The following SETD1A variants were observed in gnomAD, a reference collection of about 807,000 sequenced individuals.
SETD1A encodes the protein histone-lysine N-methyltransferase SETD1A.
Under a neutral mutation model 149.9 loss-of-function variants are expected in SETD1A, and 29 were observed. The observed-to-expected ratio is 0.19, with a 90% CI of 0.14 to 0.26. The LOEUF (loss-of-function observed/expected upper bound fraction) is 0.26, where lower values mean the gene tolerates loss of function less well. SETD1A is among the 10% of genes least tolerant of loss of function. SETD1A has a pLI of 1.00. For synonymous variants in SETD1A, 1,141 were observed against 968.5 expected (o/e 1.18, Z -3.31); for missense variants, 2,109 against 2,353.1 (o/e 0.90, Z 2.15).
chr16:30,969,726 A>AG (rs775597311), intron 12 of SETD1A, 37 bp downstream of exon 12: 2 of 1,560,026 alleles, frequency 1.3e-6, no homozygotes, highest in East Asian at 4.5e-5. Flanking sequence ...TTGGGCTCGG[A>AG]GGAGGGGTTC....
rs34557944 is a variant in SETD1A at position 30,961,880 on chromosome 16, GCT to G, written c.517+346_517+347del. The stretch of plus-strand genomic sequence containing the variant: ...TGGTTGGTTTTTGAGACAGGATCCT[GCT>G]CTGTCACCTAGGCTGGAGAGCAGTG... On this transcript the variant is annotated intron_variant, in intron 4 of 18. Coordinates refer to ENST00000262519, the MANE Select transcript of SETD1A (RefSeq NM_014712.3). This position sits in a 1 kb window ranked among gnomAD's most constrained non-coding sequence, Gnocchi z 4.0. Among the ~76,000 whole-genome samples the G allele has an allele frequency of 0.068, 10,394 of 152,100 alleles. 474 individuals are homozygous for G. Among genetic ancestry groups the G allele is most frequent in the Non-Finnish European group, 0.11 (7,495 of 67,960 alleles).
In SETD1A at chr16:30,979,992, C is replaced by CCCA; in HGVS notation, c.4208_4209insACC (p.Pro1412dup). 6.8e-7 allele frequency: 1 copy of CCCA among 1,477,502 alleles called. No individual in the cohort carries two copies. Among genetic ancestry groups the CCCA allele is most frequent in the Non-Finnish European group, 8.9e-7 (1 of 1,120,134 alleles). 91.5% of individuals were successfully genotyped at this position (1,477,502 alleles called of 1,614,324 possible). ...TCCGCTCCCACGCCCGGCGCCGCCG[C>CCCA]CCTCCGCCCCCACCCCCGCCGCCAC... On this transcript the variant is annotated inframe_insertion, in exon 14 of 19. Coordinates refer to ENST00000262519, the MANE Select transcript of SETD1A (RefSeq NM_014712.3).
chr16:30,977,786 G>A (rs2056302242), intron 13 of SETD1A, among the ~76,000 whole-genome samples: 1 of 152,226 alleles, frequency 6.6e-6, no homozygotes, highest in African/African-American at 2.4e-5. Flanking sequence ...GTGGACTCAG[G>A]TGAATCGCTG....
rs1363790293 is a variant in SETD1A at position 30,979,241 on chromosome 16, C to G, written c.3455C>G (p.Ser1152Cys). The G allele has an allele frequency of 1.2e-6, 2 of 1,603,138 alleles. No homozygotes were observed. The highest frequency in any genetic ancestry group is 3.4e-5 in the Admixed American group (2 of 59,326). Residue 1152 changes from serine to cysteine, a missense_variant, in exon 14 of 19, where the codon TCT (serine) becomes TGT (cysteine). Coordinates refer to ENST00000262519, the MANE Select transcript of SETD1A (RefSeq NM_014712.3). ...GCCCCACGCCCCGATGAGCGTCCCT[C>G]TTCTCCCATCCCCCTCCTGCCCCCA... ...APAPRPDERP[S>C]SPIPLLPPPK...
intron 5 of SETD1A, 42 bp downstream of exon 5, chr16:30,963,596 A>G: frequency 6.3e-7 from 1 of 1,589,790 alleles, no homozygotes; most frequent in Non-Finnish European, 8.6e-7. Flanking sequence ...CCATGTGGGC[A>G]TGGTGTCCGG....
chr16:30,960,366 A>AC (rs1268527821), intron 3 of SETD1A, among the ~76,000 whole-genome samples: 2 of 152,202 alleles, frequency 1.3e-5, no homozygotes, highest in East Asian at 3.8e-4. Flanking sequence ...TTTCAAAAAC[A>AC]CCAAGTTGTT....
chr16:30,978,767 T>G (rs922684296), intron 13 of SETD1A, among the ~76,000 whole-genome samples: 2 of 152,212 alleles, frequency 1.3e-5, no homozygotes, highest in Non-Finnish European at 2.9e-5. Context: ...GGCTGGGGCC[T>G]GGGCACAGGG....
At position 30,979,454 on chromosome 16, in the gene SETD1A, A is replaced by C; in HGVS notation, c.3668A>C (p.Glu1223Ala). The C allele has an allele frequency of 6.2e-7, 1 of 1,603,636 alleles. No individual in the cohort carries two copies. Among genetic ancestry groups the C allele is most frequent in the African/African-American group, 1.3e-5 (1 of 74,912 alleles). ...DHASLVKSWP[E>A]EVSRGGRSRA... ...GCATCTCTGGTCAAGAGTTGGCCCG[A>C]GGAGGTGTCCCGAGGAGGCCGGAGC... The change falls in exon 14 of 19, where the codon GAG (glutamate) becomes GCG (alanine). Residue 1223 changes from glutamate to alanine, a missense_variant. By Grantham distance (107) the Glu-to-Ala change is moderately radical. Transcript: ENST00000262519.
At chr16:30,959,864 C>T (rs145210843) in intron 3 of SETD1A, among the ~76,000 whole-genome samples, 81 of 152,130 alleles carry the variant, frequency 5.3e-4, no homozygotes, top group African/African-American at 1.8e-3. Context: ...CAGCCAACAT[C>T]TCTAGGCTTG....
rs541201062 is a variant in SETD1A, at chr16:30,982,687, G to A, written c.4813-948G>A. Among the ~76,000 whole-genome samples, 85 of 151,802 alleles carry A rather than the reference G, an allele frequency of 5.6e-4. 1 individual carries two copies. Among genetic ancestry groups the A allele is most frequent in the South Asian group, 3.5e-3 (17 of 4,796 alleles). On this transcript the variant is annotated intron_variant, in intron 17 of 18. Transcript: ENST00000262519. ...TCCGCAGGAGAGGGTCCTTCCGCAGGAGAGGGCCCCATGGCTAGTGAGCTC... is the reference window on the plus strand; with the variant it reads ...TCCGCAGGAGAGGGTCCTTCCGCAGAAGAGGGCCCCATGGCTAGTGAGCTC...
Position 30,961,624 on chromosome 16 carries a change from G to C in SETD1A, c.517+87G>C. Reference sequence around the variant, plus strand: ...CCTGTCAGGGTCAGGCAGGCGCCCAGGGTCATGATCTGAAACTGCTGGGGC... The same window carrying C: ...CCTGTCAGGGTCAGGCAGGCGCCCACGGTCATGATCTGAAACTGCTGGGGC... On this transcript the variant is annotated intron_variant, in intron 4 of 18. Transcript: ENST00000262519. This position sits in a 1 kb window ranked among gnomAD's most constrained non-coding sequence, Gnocchi z 4.0. 1.5e-6 allele frequency: 2 copies of C among 1,324,000 alleles called. No individual in the cohort carries two copies. The highest frequency in any genetic ancestry group is 2.5e-5 in the South Asian group (2 of 78,856). 82.0% of individuals were successfully genotyped at this position (1,324,000 alleles called of 1,614,324 possible). A position where few individuals can be genotyped will look rare whatever the true frequency, so the allele number is the denominator to read the frequency against.
chr16:30,972,638 C>CA lies in SETD1A; in HGVS notation c.3358+934dup, dbSNP rs34067658. 8.6e-3 allele frequency among the ~76,000 whole-genome samples: 1,018 copies of CA among 118,906 alleles called. 5 individuals are homozygous for CA. The highest frequency in any genetic ancestry group is 0.013 in the Non-Finnish European group (747 of 55,646). 78.0% of individuals were successfully genotyped at this position (118,906 alleles called of 152,430 possible). A position where few individuals can be genotyped will look rare whatever the true frequency, so the allele number is the denominator to read the frequency against. On this transcript the variant is annotated intron_variant, in intron 13 of 18. Transcript: ENST00000262519. The stretch of plus-strand genomic sequence containing the variant: ...TGGGCGACAGAGCGAGACTCTGTCT[C>CA]AAAAAAAAAAAAAAAGACCAGCCTG...
chr16:30,963,849 A>G (rs1486613686), intron 5 of SETD1A, among the ~76,000 whole-genome samples: 2 of 152,098 alleles, frequency 1.3e-5, no homozygotes, highest in Non-Finnish European at 2.9e-5. Flanking sequence ...AAAATTAGCC[A>G]GGCATGGTGG....
rs1375306338 is a variant in SETD1A at position 30,979,465 on chromosome 16, C to T, written c.3679C>T (p.Arg1227Ter). Residue 1227 changes from arginine (R) to a stop codon, truncating the protein, a stop_gained, in exon 14 of 19, where the codon CGA becomes TGA. Coordinates refer to ENST00000262519, the MANE Select transcript of SETD1A (RefSeq NM_014712.3). LOFTEE classifies it high-confidence loss of function. ...CAAGAGTTGGCCCGAGGAGGTGTCC[C>T]GAGGAGGCCGGAGCCGGGCTGGAGG... ...LVKSWPEEVSRGGRSRAGGRG... is the reference protein window; with the variant it reads ...LVKSWPEEVS 1 of 1,599,798 alleles carries T rather than the reference C, an allele frequency of 6.3e-7. No homozygotes were observed.
Position 30,969,484 on chromosome 16 carries a change from C to T in SETD1A, c.2928+22C>T, listed in dbSNP as rs2056197165. ...GAAGGTGAGGGCCCGGGCGCCGGCTCCTGGCCGAAGCCTACTTCCCATAGC... is the reference window on the plus strand; with the variant it reads ...GAAGGTGAGGGCCCGGGCGCCGGCTTCTGGCCGAAGCCTACTTCCCATAGC... On this transcript the variant is annotated intron_variant, in intron 11 of 18. Coordinates refer to ENST00000262519, the MANE Select transcript of SETD1A (RefSeq NM_014712.3). The T allele has an allele frequency of 1.2e-6, 2 of 1,600,724 alleles. 1 individual carries two copies. Among genetic ancestry groups the T allele is most frequent in the South Asian group, 2.2e-5 (2 of 89,622 alleles).
rs748232032 is a variant in SETD1A at position 30,979,847 on chromosome 16, T to TGCA, written c.4070_4072dup (p.Gln1357dup). 2 of 1,546,332 alleles carry TGCA rather than the reference T, an allele frequency of 1.3e-6. No individual in the cohort carries two copies. Among genetic ancestry groups the TGCA allele is most frequent in the Admixed American group, 1.9e-5 (1 of 51,510 alleles). ...GCGGAGGAGCCCAAGCCGCAGCAAC[T>TGCA]GCAGCAGCAGCGGGAGGAGGGCGAA... On this transcript the variant is annotated inframe_insertion, in exon 14 of 19. Coordinates refer to ENST00000262519, the MANE Select transcript of SETD1A (RefSeq NM_014712.3).
At chr16:30,964,470 C>CG in intron 6 of SETD1A, 142 bp from the exon 7 acceptor site, 1 of 1,433,858 alleles carries the variant, frequency 7.0e-7, no homozygotes, top group South Asian at 1.3e-5. Context: ...TTGCTGTCCT[C>CG]GGGGAACACA....
chr16:30,968,369 C>T (rs1349629254), intron 10 of SETD1A, among the ~76,000 whole-genome samples: 1 of 150,382 alleles, frequency 6.6e-6, no homozygotes, highest in African/African-American at 2.5e-5. Flanking sequence ...TGCCACTGCA[C>T]TTCAGCCTGG....
chr16:30,979,751 C>T lies in SETD1A; in HGVS notation c.3965C>T (p.Pro1322Leu). 1 of 1,596,568 alleles carries T rather than the reference C, an allele frequency of 6.3e-7. No homozygotes were observed. The highest frequency in any genetic ancestry group is 8.5e-7 in the Non-Finnish European group (1 of 1,177,762). ...GCCCTGCGGCCCCCGGAGCCAGTGC[C>T]CGCACCCGCCGCCCTCTTCAGTTCC... The part of the protein sequence containing the change: ...APALRPPEPV[P>L]APAALFSSPA... The change falls in exon 14 of 19, where the codon CCC becomes CTC. Residue 1322 changes from proline to leucine, a missense_variant. Pro to Leu is a moderately conservative substitution (Grantham distance 98). This residue lies in a region of SETD1A where 832 missense variants were observed against 815.6 expected (regional missense o/e 1.02). Transcript: ENST00000262519.
Sources: allele counts gnomAD v4.1 joint callset (sites outside exome capture counted in the v4.1 genomes callset), GRCh38; gene constraint gnomAD v4.1.1; regional missense constraint gnomAD v4.1.1; non-coding constraint Gnocchi (gnomAD v3.1); transcripts MANE v1.5; gene names NCBI Gene and HGNC (gene_info 2026-07-23, HGNC 2026-07-21).